The following BCLAF3 variants were observed in gnomAD, a reference collection of about 807,000 sequenced individuals.
BCLAF3 encodes transient octamer binding factor 1.
In BCLAF3, 24 loss-of-function variants were observed where a neutral mutation model predicts 51.2. The ratio of observed to expected loss-of-function variants is 0.47; its 90% confidence interval spans 0.34 to 0.66. BCLAF3 has a LOEUF of 0.66. Among genes scored for constraint, BCLAF3 ranks in the 30% least tolerant of loss-of-function variants. The pLI is 0.01. For missense variants in BCLAF3, 465 were observed against 525.1 expected (o/e 0.89, Z 1.12); for synonymous variants, 152 against 176.6 (o/e 0.86, Z 1.10).
chrX:19,974,273 T>C (rs974535904), intron 1 of BCLAF3, among the ~76,000 whole-genome samples: 1 of 112,540 alleles, frequency 8.9e-6, no homozygotes, highest in Non-Finnish European at 1.9e-5. Flanking sequence ...AACATGCCCA[T>C]ATCCCACAGC....
intron 8 of BCLAF3, among the ~76,000 whole-genome samples, chrX:19,945,532 C>A (rs777252799): frequency 1.1e-5 from 1 of 89,326 alleles, no homozygotes; most frequent in Admixed American, 1.1e-4. Context: ...AATACCCTGC[C>A]GTGTGAGGTG....
At chrX:19,987,504 C>A (rs1263653871) in intron 1 of BCLAF3, among the ~76,000 whole-genome samples, 3 of 111,173 alleles carry the variant, frequency 2.7e-5, no homozygotes, top group African/African-American at 9.8e-5. Flanking sequence ...GGGGTTTCAC[C>A]ATGTTGGCCA....
intron 11 of BCLAF3, among the ~76,000 whole-genome samples, chrX:19,919,318 A>G (rs2070046791): frequency 8.9e-6 from 1 of 112,078 alleles, no homozygotes; most frequent in African/African-American, 3.2e-5. Flanking sequence ...CTGTGAAGTT[A>G]AGCTCTTAAA....
intron 4 of BCLAF3, among the ~76,000 whole-genome samples, chrX:19,963,785 G>A (rs996241633): frequency 9.0e-6 from 1 of 111,346 alleles, no homozygotes; most frequent in Non-Finnish European, 1.9e-5. Context: ...AGGCCGAGGC[G>A]AGAGGATCAT....
intron 4 of BCLAF3, among the ~76,000 whole-genome samples, chrX:19,957,326 A>G (rs1414397556): frequency 1.8e-5 from 2 of 112,250 alleles, no homozygotes; most frequent in Non-Finnish European, 3.8e-5. Context: ...AACGACCTCC[A>G]CTAACAAAGA....
At chrX:19,945,034 A>C (rs1315211318) in intron 8 of BCLAF3, among the ~76,000 whole-genome samples, 1 of 106,667 alleles carries the variant, frequency 9.4e-6, no homozygotes. Context: ...TTCATCTTCC[A>C]TTGCTGATAC....
chrX:19,986,815 T>TC (rs1217614061), intron 1 of BCLAF3, among the ~76,000 whole-genome samples: 2 of 104,093 alleles, frequency 1.9e-5, no homozygotes, highest in African/African-American at 3.5e-5. Flanking sequence ...TTTTTTTTTT[T>TC]CCCCTTGAGT....
chrX:19,970,144 T>C, intron 2 of BCLAF3, 80 bp downstream of exon 2: 2 of 833,345 alleles, frequency 2.4e-6, no homozygotes, highest in Middle Eastern at 2.8e-4. Flanking sequence ...TCCCATGAGC[T>C]TAAGTGTTTA....
rs997857364 is a variant in BCLAF3, at chrX:19,936,476, T to C, written c.1861-578A>G. Among the ~76,000 whole-genome samples, 4 of 112,111 alleles carry C rather than the reference T, an allele frequency of 3.6e-5. No individual in the cohort carries two copies. In the East Asian group the frequency reaches 8.4e-4, roughly 24 times the overall value. ...CCCATTCTCAAGATGGTTTCCTTTT[T>C]CTAAAATCAACAGTCTTATCACCTT... On this transcript the variant is annotated intron_variant, in intron 9 of 11. Coordinates refer to ENST00000379682, the MANE Select transcript of BCLAF3 (RefSeq NM_001367774.2).
chrX:19,917,848 G>A (rs911604902), intron 11 of BCLAF3, among the ~76,000 whole-genome samples: 1 of 111,816 alleles, frequency 8.9e-6, no homozygotes, highest in African/African-American at 3.2e-5. Context: ...ATAAAAAGGT[G>A]TAAGGCTTCA....
In BCLAF3 at chrX:19,985,159, C is replaced by T. The variant is rs745831159; in HGVS notation, c.-35+5749G>A. The T allele has an allele frequency of 8.9e-5, 10 of 111,894 alleles. No homozygotes were observed. In the East Asian group the frequency reaches 2.8e-3, roughly 31 times the overall value. 9.2% of individuals were successfully genotyped at this position (111,894 alleles called of 1,213,427 possible). On this transcript the variant is annotated intron_variant, in intron 1 of 11. Coordinates refer to ENST00000379682, the MANE Select transcript of BCLAF3 (RefSeq NM_001367774.2). Reference sequence around the variant, plus strand: ...TAAATACCACTGCACTCGAACCAGCCTACAAATCCAATTTTATAGCATGCA... The same window carrying T: ...TAAATACCACTGCACTCGAACCAGCTTACAAATCCAATTTTATAGCATGCA...
At chrX:19,981,392 GCAA>G (rs768973093) in intron 1 of BCLAF3, among the ~76,000 whole-genome samples, 1 of 111,357 alleles carries the variant, frequency 9.0e-6, no homozygotes, top group Admixed American at 9.6e-5. Context: ...AAAAAACAAA[GCAA>G]CAAAAGAAAA....
chrX:19,990,296 T>C (rs2072903710), intron 1 of BCLAF3, among the ~76,000 whole-genome samples: 2 of 112,764 alleles, frequency 1.8e-5, no homozygotes, highest in Admixed American at 9.3e-5. Context: ...AGTTTCCCAA[T>C]ACAACCCAGA....
intron 11 of BCLAF3, among the ~76,000 whole-genome samples, chrX:19,921,857 G>C (rs1261397731): frequency 9.3e-6 from 1 of 107,090 alleles, no homozygotes; most frequent in African/African-American, 3.4e-5. Context: ...AAAAAAATTA[G>C]CTGGGCATGG....
intron 1 of BCLAF3, among the ~76,000 whole-genome samples, chrX:19,987,705 G>A (rs1380912902): frequency 8.9e-6 from 1 of 112,463 alleles, no homozygotes; most frequent in African/African-American, 3.2e-5. Flanking sequence ...AAAGTTAGAA[G>A]AGACCTACTT....
In BCLAF3 at chrX:19,914,240, G is replaced by A. The variant is rs1442708308; in HGVS notation, c.*3065C>T. 1.8e-5 allele frequency: 2 copies of A among 111,404 alleles called. No individual in the cohort carries two copies. The highest frequency in any genetic ancestry group is 3.8e-5 in the Non-Finnish European group (2 of 53,159). 9.2% of individuals were successfully genotyped at this position (111,404 alleles called of 1,213,427 possible). The stretch of plus-strand genomic sequence containing the variant: ...CTCCTCCACGTGGCCTGGTCACCTC[G>A]TCAGTGCCTTTGTCCATACTGGGGC... On this transcript the variant is annotated 3_prime_UTR_variant, in exon 12 of 12. Coordinates refer to ENST00000379682, the MANE Select transcript of BCLAF3 (RefSeq NM_001367774.2).
chrX:19,975,193 TA>T (rs1220314915), intron 1 of BCLAF3, among the ~76,000 whole-genome samples: 1 of 110,256 alleles, frequency 9.1e-6, no homozygotes, highest in Non-Finnish European at 1.9e-5. Flanking sequence ...AGAGGAGGTT[TA>T]AACATACAGC....
rs1292600085 is a variant in BCLAF3 at position 19,914,996 on chromosome X, T to C, written c.*2309A>G. ...CTTCTTCAGCAGTGCATGAGCTTCC[T>C]CACAGCAGGGACTGTGTCTTATTAT... On this transcript the variant is annotated 3_prime_UTR_variant, in exon 12 of 12. Transcript: ENST00000379682. 1.8e-5 allele frequency: 2 copies of C among 110,943 alleles called. No homozygotes were observed. Among genetic ancestry groups the C allele is most frequent in the Non-Finnish European group, 3.8e-5 (2 of 53,028 alleles). The allele number at this position is 110,943 out of a possible 1,213,427, so 9.1% of individuals were successfully genotyped here.
intron 8 of BCLAF3, among the ~76,000 whole-genome samples, chrX:19,948,576 G>T (rs1453591465): frequency 9.1e-6 from 1 of 109,296 alleles, no homozygotes; most frequent in Non-Finnish European, 1.9e-5. Context: ...GACCAGCCTG[G>T]GCAACATGGT....
Sources: allele counts gnomAD v4.1 joint callset (sites outside exome capture counted in the v4.1 genomes callset), GRCh38; gene constraint gnomAD v4.1.1; transcripts MANE v1.5; gene names NCBI Gene and HGNC (gene_info 2026-07-23, HGNC 2026-07-21).